Variants in NRXN3 observed in about 807,000 individuals in gnomAD.
The protein encoded by NRXN3 is neurexin 3, also known as neurexin III.
A neutral mutation model predicts 137.6 loss-of-function variants in NRXN3; 32 were observed. That is an observed-to-expected ratio of 0.23 (90% CI 0.18 to 0.31). NRXN3 has a LOEUF of 0.31. NRXN3 is among the 10% of genes least tolerant of loss of function. The probability of loss-of-function intolerance (pLI) is 1.00; values close to 1 mark genes in which losing one functional copy is unlikely to be tolerated. For missense variants in NRXN3, 1,574 were observed against 2,062.5 expected (o/e 0.76, Z 4.59); for synonymous variants, 798 against 784.5 (o/e 1.02, Z -0.29).
At chr14:78,413,473 C>T (rs915773947) in intron 4 of NRXN3, among the ~76,000 whole-genome samples, 9 of 152,058 alleles carry the variant, frequency 5.9e-5, no homozygotes, top group South Asian at 2.1e-4. Flanking sequence ...TCAGTAGAGA[C>T]GAGGTTTCTC....
intron 11 of NRXN3, among the ~76,000 whole-genome samples, chr14:78,960,175 C>T (rs944372275): frequency 6.6e-6 from 1 of 152,076 alleles, no homozygotes; most frequent in Non-Finnish European, 1.5e-5. Flanking sequence ...TCCCCCCAAC[C>T]CCCCGAACTT....
At chr14:79,274,151 A>G (rs7493155) in intron 15 of NRXN3, among the ~76,000 whole-genome samples, 1,689 of 150,944 alleles carry the variant, frequency 0.011, 35 homozygotes, top group African/African-American at 0.039. Flanking sequence ...TTTTCACAGC[A>G]GCTAACAAGC....
At chr14:79,697,122 C>T (rs1048683114) in intron 18 of NRXN3, among the ~76,000 whole-genome samples, 2 of 152,090 alleles carry the variant, frequency 1.3e-5, no homozygotes, top group African/African-American at 4.8e-5. Flanking sequence ...ATCCAAGTCT[C>T]TTAACTGAAA....
chr14:79,686,506 C>T (rs564294057), intron 17 of NRXN3, among the ~76,000 whole-genome samples: 115 of 152,206 alleles, frequency 7.6e-4, no homozygotes, highest in African/African-American at 2.7e-3. Flanking sequence ...TCTCAACTCC[C>T]AACCTCTTTT....
chr14:78,730,095 G>C (rs1471406243), intron 8 of NRXN3, among the ~76,000 whole-genome samples: 1 of 152,120 alleles, frequency 6.6e-6, no homozygotes, highest in Non-Finnish European at 1.5e-5. Context: ...TAGCCTCTTG[G>C]GCCTGTAGCA....
intron 15 of NRXN3, among the ~76,000 whole-genome samples, chr14:79,071,491 T>A (rs972722367): frequency 5.3e-5 from 8 of 152,210 alleles, no homozygotes; most frequent in Non-Finnish European, 1.0e-4. Flanking sequence ...ATCACCCTTT[T>A]GTCATGTATC....
chr14:78,674,382 T>C (rs61976156), intron 6 of NRXN3, among the ~76,000 whole-genome samples: 8,666 of 152,292 alleles, frequency 0.057, 289 homozygotes, highest in Middle Eastern at 0.14. Flanking sequence ...CAATGCACCC[T>C]ACTCCAAGCA....
intron 8 of NRXN3, among the ~76,000 whole-genome samples, chr14:78,734,283 C>A (rs1466789924): frequency 6.6e-6 from 1 of 151,198 alleles, no homozygotes; most frequent in Non-Finnish European, 1.5e-5. Flanking sequence ...TCCTATATTT[C>A]CCATTACTTG....
intron 10 of NRXN3, among the ~76,000 whole-genome samples, chr14:78,879,686 C>G (rs1427394791): frequency 6.6e-6 from 1 of 152,176 alleles, no homozygotes; most frequent in Non-Finnish European, 1.5e-5. Flanking sequence ...GCTTAATTCC[C>G]TGTCCTAATT....
intron 2 of NRXN3, among the ~76,000 whole-genome samples, chr14:78,245,250 T>C (rs117615310): frequency 8.5e-4 from 130 of 152,348 alleles, no homozygotes; most frequent in Admixed American, 4.0e-3. Flanking sequence ...TTTAGCTGCA[T>C]GTTAAGATTG....
chr14:78,228,954 A>G (rs2065032355), intron 1 of NRXN3, among the ~76,000 whole-genome samples: 1 of 152,252 alleles, frequency 6.6e-6, no homozygotes, highest in African/African-American at 2.4e-5. Context: ...TATAAGACTC[A>G]GTAAAAAGGA....
chr14:79,471,542 A>G (rs2096507973), intron 16 of NRXN3, among the ~76,000 whole-genome samples: 1 of 152,224 alleles, frequency 6.6e-6, no homozygotes, highest in Non-Finnish European at 1.5e-5. Context: ...GTTGCACTGC[A>G]AGTCCTGGAA....
At chr14:78,175,834 G>T (rs2059211636) in intron 1 of NRXN3, among the ~76,000 whole-genome samples, 1 of 152,232 alleles carries the variant, frequency 6.6e-6, no homozygotes, top group South Asian at 2.1e-4. Flanking sequence ...CAACCTCCTG[G>T]CTGCTTTCCA....
At chr14:79,799,641 T>C (rs2099170942) in intron 19 of NRXN3, among the ~76,000 whole-genome samples, 2 of 152,164 alleles carry the variant, frequency 1.3e-5, no homozygotes, top group African/African-American at 4.8e-5. Flanking sequence ...TCTAAGCCTT[T>C]GCAAATACTA....
chr14:78,485,471 A>G (rs1363787416), intron 4 of NRXN3, among the ~76,000 whole-genome samples: 1 of 152,214 alleles, frequency 6.6e-6, no homozygotes, highest in African/African-American at 2.4e-5. Flanking sequence ...TCCTGTGTCC[A>G]AGCACTGTAG....
At chr14:78,801,735 C>G (rs1321401017) in intron 8 of NRXN3, among the ~76,000 whole-genome samples, 3 of 152,164 alleles carry the variant, frequency 2.0e-5, no homozygotes, top group Non-Finnish European at 4.4e-5. Context: ...TCCTTTATGT[C>G]TATAGAGATA....
chr14:79,587,724 AT>A (rs1403597801), intron 16 of NRXN3, among the ~76,000 whole-genome samples: 1 of 152,226 alleles, frequency 6.6e-6, no homozygotes. Context: ...ATCAATACTT[AT>A]GTACATGCAA....
intron 4 of NRXN3, among the ~76,000 whole-genome samples, chr14:78,333,869 A>AT (rs1347283820): frequency 2.0e-5 from 3 of 152,102 alleles, no homozygotes; most frequent in Non-Finnish European, 2.9e-5. Flanking sequence ...CAGCAGGGCC[A>AT]TTTGGGAGGC....
intron 14 of NRXN3, among the ~76,000 whole-genome samples, chr14:78,980,982 A>G (rs185743188): frequency 6.6e-6 from 1 of 152,330 alleles, no homozygotes; most frequent in African/African-American, 2.4e-5. Context: ...ATGTTTTAAG[A>G]TATTAATAAT....
Sources: gnomAD v4.1 joint callset for allele counts (sites outside exome capture counted in the v4.1 genomes callset) on GRCh38, gnomAD v4.1.1 for gene constraint, MANE v1.5 for transcripts, NCBI Gene and HGNC (gene_info 2026-07-23, HGNC 2026-07-21) for gene names.